The following GCN1 variants were observed in gnomAD, a reference collection of about 807,000 sequenced individuals.
GCN1 encodes the protein GCN1 activator of EIF2AK4, also known as stalled ribosome sensor GCN1.
GCN1 carries 90 observed loss-of-function variants against 288.4 expected under a neutral mutation model. The ratio of observed to expected loss-of-function variants is 0.31; its 90% CI spans 0.26 to 0.37. The LOEUF (loss-of-function observed/expected upper bound fraction) is 0.37. Among genes scored for constraint, GCN1 ranks in the 10% least tolerant of loss-of-function variants. The probability of loss-of-function intolerance (pLI) is 1.00; values close to 1 mark genes in which losing one functional copy is unlikely to be tolerated. For missense variants in GCN1, 2,586 were observed against 3,419.9 expected, an observed-to-expected ratio of 0.76 and a Z score of 6.08; for synonymous variants, 1,386 against 1,420.2, an observed-to-expected ratio of 0.98 and a Z score of 0.54.
chr12:120,161,461 ACCTTC>A, intron 22 of GCN1, 24 bp downstream of exon 22: 1 of 1,489,140 alleles, frequency 6.7e-7, no homozygotes, highest in South Asian at 1.1e-5. Context: ...CTCAGCAGCC[ACCTTC>A]CGTAAGTGCC....
chr12:120,188,421 G>A (rs1436029904), intron 2 of GCN1, among the ~76,000 whole-genome samples: 1 of 137,438 alleles, frequency 7.3e-6, no homozygotes, highest in South Asian at 2.7e-4. Flanking sequence ...GTGACAGAGG[G>A]AGACTCTGTC....
At chr12:120,181,296 T>C (rs1401753720) in intron 5 of GCN1, among the ~76,000 whole-genome samples, 3 of 150,388 alleles carry the variant, frequency 2.0e-5, no homozygotes, top group African/African-American at 4.9e-5. Flanking sequence ...GAAAACCCCA[T>C]CTCTAAAAAA....
In GCN1 at chr12:120,174,079, T is replaced by C. The variant is rs746316213; in HGVS notation, c.1184A>G (p.Gln395Arg). 11 of 1,578,720 alleles carry C rather than the reference T, an allele frequency of 7.0e-6. No individual in the cohort carries two copies. The highest frequency in any genetic ancestry group is 9.6e-6 in the Non-Finnish European group (11 of 1,147,754). Residue 395 changes from glutamine (Q) to arginine (R), a missense_variant, in exon 13 of 58, where the codon CAG (glutamine) becomes CGG (arginine). Gln to Arg is a conservative substitution (Grantham distance 43). Coordinates refer to ENST00000300648, the MANE Select transcript of GCN1 (RefSeq NM_006836.2). ...ATGTTGCACAGAATTACCTTCCTGC[T>C]GAAGGAACGGGATGAACAGCTCAGC... Reference protein sequence around the residue: ...IVAELFIPFLQQEVHEGTLVH... With the variant: ...IVAELFIPFLRQEVHEGTLVH...
chr12:120,131,625 T>C (rs1405600055), intron 54 of GCN1, among the ~76,000 whole-genome samples: 1 of 152,260 alleles, frequency 6.6e-6, no homozygotes, highest in Non-Finnish European at 1.5e-5. Context: ...ATTGTTTGTT[T>C]GTTTTAGAGA....
In GCN1 at chr12:120,144,915, G is replaced by C. The variant is rs753453432; in HGVS notation, c.5155+8C>G. ...CCAGGCTGGCCACTGGACCTGCTCTGGCCTTACCCTGTGCAGCGCCTGAGC... is the reference window on the plus strand; with the variant it reads ...CCAGGCTGGCCACTGGACCTGCTCTCGCCTTACCCTGTGCAGCGCCTGAGC... On this transcript the variant is annotated splice_region_variant and intron_variant, in intron 40 of 57. Transcript: ENST00000300648. This position sits in a 1 kb window ranked among gnomAD's most constrained non-coding sequence, Gnocchi z 4.7. 1 of 1,614,170 alleles carries C rather than the reference G, an allele frequency of 6.2e-7. No homozygotes were observed. The highest frequency in any genetic ancestry group is 8.5e-7 in the Non-Finnish European group (1 of 1,180,032).
chr12:120,179,054 C>T, intron 5 of GCN1, 104 bp from the exon 6 acceptor site: 1 of 895,170 alleles, frequency 1.1e-6, no homozygotes, highest in Non-Finnish European at 1.7e-6. Context: ...CAAATCCTGG[C>T]TTCATCTCCA....
intron 7 of GCN1, among the ~76,000 whole-genome samples, chr12:120,178,252 G>C (rs1174599003): frequency 6.6e-6 from 1 of 152,168 alleles, no homozygotes; most frequent in African/African-American, 2.4e-5. Context: ...TAATTAGCTA[G>C]ACTATCTGTT....
chr12:120,172,077 TG>T (rs1315703728), intron 14 of GCN1, among the ~76,000 whole-genome samples: 1 of 152,204 alleles, frequency 6.6e-6, no homozygotes, highest in Non-Finnish European at 1.5e-5. Context: ...TTGCCCAGGC[TG>T]GTCTCAAACT....
intron 12 of GCN1, among the ~76,000 whole-genome samples, chr12:120,174,717 G>A (rs1030218936): frequency 2.0e-5 from 3 of 151,106 alleles, no homozygotes; most frequent in African/African-American, 7.3e-5. Flanking sequence ...CTTGAACCCG[G>A]GAGGCAGAGG....
At chr12:120,167,227 C>T (rs990726634) in intron 16 of GCN1, among the ~76,000 whole-genome samples, 2 of 151,182 alleles carry the variant, frequency 1.3e-5, no homozygotes, top group Admixed American at 6.6e-5. Flanking sequence ...GTGGCACATG[C>T]CTGTAATCCC....
chr12:120,153,360 G>C lies in GCN1; in HGVS notation c.3915C>G (p.Asn1305Lys). 1 of 1,614,190 alleles carries C rather than the reference G, an allele frequency of 6.2e-7. No individual in the cohort carries two copies. ...CATCATAGCTGGCATCATTGGGCGCGTTCTTCAGGAACTCCTCGAATACTG... is the reference window on the plus strand; with the variant it reads ...CATCATAGCTGGCATCATTGGGCGCCTTCTTCAGGAACTCCTCGAATACTG... ...LLPVFEEFLK[N>K]APNDASYDAV... Residue 1305 changes from asparagine to lysine, a missense_variant, in exon 33 of 58, where the codon AAC becomes AAG. By Grantham distance (94) the Asn-to-Lys change is moderately conservative. Around this residue, in one of 8 missense-constraint regions of GCN1, gnomAD observed 332 missense variants for 403.0 expected, o/e 0.82. Coordinates refer to ENST00000300648, the MANE Select transcript of GCN1 (RefSeq NM_006836.2). The surrounding 1 kb of genome is among the most constrained non-coding windows in gnomAD (Gnocchi z 4.4).
chr12:120,138,276 G>T, intron 47 of GCN1, 47 bp downstream of exon 47: 1 of 1,239,756 alleles, frequency 8.1e-7, no homozygotes, highest in Non-Finnish European at 1.2e-6. Context: ...CCCTGGAAAT[G>T]TCAATGCCCT....
chr12:120,177,369 C>T, intron 9 of GCN1, 78 bp downstream of exon 9: 2 of 742,354 alleles, frequency 2.7e-6, no homozygotes, highest in Admixed American at 2.1e-5. Context: ...ACCACACACA[C>T]TTCTTGTTGC....
intron 4 of GCN1, 22 bp downstream of exon 4, chr12:120,184,090 G>A: frequency 6.2e-7 from 1 of 1,603,676 alleles, no homozygotes; most frequent in Non-Finnish European, 8.5e-7. Context: ...ATTCTCAGGG[G>A]GCCACAACTT....
In GCN1 at chr12:120,173,705, G is replaced by A; in HGVS notation, c.1314C>T (p.Ser438=). ...WFKKAFSLKT[S]TSAVRHAYLQ... ...GGTAGGCATGCCTCACCGCAGATGT[G>A]GAGGTTTTAAGGCTGAAAGCTTTTT... Residue 438 remains serine, a synonymous_variant, in exon 14 of 58, where the codon TCC becomes TCT. Coordinates refer to ENST00000300648, the MANE Select transcript of GCN1 (RefSeq NM_006836.2). The A allele has an allele frequency of 6.2e-7, 1 of 1,612,790 alleles. No individual in the cohort carries two copies. The highest frequency in any genetic ancestry group is 8.5e-7 in the Non-Finnish European group (1 of 1,178,752).
Position 120,161,966 on chromosome 12 carries a change from G to T in GCN1, c.2256C>A (p.Asn752Lys). 2 of 1,613,794 alleles carry T rather than the reference G, an allele frequency of 1.2e-6. No individual in the cohort carries two copies. Among genetic ancestry groups the T allele is most frequent in the Non-Finnish European group, 1.7e-6 (2 of 1,179,750 alleles). The change falls in exon 21 of 58, where the codon AAC (asparagine) becomes AAA (lysine). Residue 752 changes from asparagine (N) to lysine (K), a missense_variant. This residue lies in a region of GCN1 where 913 missense variants were observed against 1,107.0 expected (regional missense o/e 0.82). Transcript: ENST00000300648. ...LISTITASVQ[N>K]PALRLVTREE... Reference sequence around the variant, plus strand: ...CCCGCGTCACCAGGCGCAGTGCAGGGTTCTGCACGGAGGCAGTGATGGTGC... The same window carrying T: ...CCCGCGTCACCAGGCGCAGTGCAGGTTTCTGCACGGAGGCAGTGATGGTGC...
chr12:120,137,793 C>T lies in GCN1; in HGVS notation c.6415G>A (p.Val2139Met). 1.9e-6 allele frequency: 3 copies of T among 1,613,866 alleles called. No homozygotes were observed. Among genetic ancestry groups the T allele is most frequent in the Non-Finnish European group, 2.5e-6 (3 of 1,179,714 alleles). Residue 2139 changes from valine (V) to methionine (M), a missense_variant, in exon 49 of 58, where the codon GTG becomes ATG. Val to Met is a conservative substitution (Grantham distance 21, BLOSUM62 1). Around this residue, in one of 8 missense-constraint regions of GCN1, gnomAD observed 437 missense variants for 570.5 expected, o/e 0.77. Transcript: ENST00000300648. This position sits in a 1 kb window ranked among gnomAD's most constrained non-coding sequence, Gnocchi z 5.2. ...GTGTCATCCTCTACGGAGAGGATCA[C>T]AGCCTGACAATTGGCCATCTCCTGC... Reference protein sequence around the residue: ...EQLEMANCQAVILSVEDDTGH... With the variant: ...EQLEMANCQAMILSVEDDTGH...
chr12:120,184,875 C>T lies in GCN1; in HGVS notation c.134G>A (p.Gly45Glu), dbSNP rs1878772942. 6.2e-7 allele frequency: 1 copy of T among 1,610,592 alleles called. No individual in the cohort carries two copies. The highest frequency in any genetic ancestry group is 8.5e-7 in the Non-Finnish European group (1 of 1,177,286). The change falls in exon 3 of 58, where the codon GGA becomes GAA. Residue 45 changes from glycine to glutamate, a missense_variant. Gly to Glu is a moderately conservative substitution (Grantham distance 98). Coordinates refer to ENST00000300648, the MANE Select transcript of GCN1 (RefSeq NM_006836.2). ...CAATTTGCAGAGCCCCTTCACTGCT[C>T]CCTCTGGAAGATCTGAAACCAGAGA... ...KCVAGKDLPE[G>E]AVKGLCKLFC...
intron 45 of GCN1, among the ~76,000 whole-genome samples, 199 bp downstream of exon 45, chr12:120,140,660 T>C (rs1313072653): frequency 6.6e-6 from 1 of 152,192 alleles, no homozygotes; most frequent in East Asian, 1.9e-4. Context: ...GCTCTTAGCC[T>C]GCAAAACTGA....
Sources: gnomAD v4.1 joint callset for allele counts (sites outside exome capture counted in the v4.1 genomes callset) on GRCh38, gnomAD v4.1.1 for gene constraint, gnomAD v4.1.1 regional missense constraint, Gnocchi (gnomAD v3.1) non-coding constraint, MANE v1.5 for transcripts, NCBI Gene and HGNC (gene_info 2026-07-23, HGNC 2026-07-21) for gene names.